TENM4: variants seen among roughly 807,000 people sequenced by gnomAD.
The protein encoded by TENM4 is teneurin transmembrane protein 4, also known as teneurin-4.
In TENM4, 82 loss-of-function variants were observed where a neutral mutation model predicts 243.3. The observed-to-expected ratio is 0.34, with a 90% confidence interval of 0.28 to 0.40. The LOEUF is 0.40. TENM4 is among the 10% of genes least tolerant of loss of function. The probability of loss-of-function intolerance (pLI) is 1.00; values close to 1 mark genes in which losing one functional copy is unlikely to be tolerated. For synonymous variants in TENM4, 1,412 were observed against 1,456.3 expected (o/e 0.97, Z 0.69); for missense variants, 3,138 against 3,673.3 (o/e 0.85, Z 3.77).
At chr11:78,898,460 G>C (rs1398989645) in intron 7 of TENM4, among the ~76,000 whole-genome samples, 1 of 152,150 alleles carries the variant, frequency 6.6e-6, no homozygotes, top group Non-Finnish European at 1.5e-5. Context: ...CATTCTGGTG[G>C]GGACTGGCAA....
intron 3 of TENM4, among the ~76,000 whole-genome samples, chr11:79,189,101 C>A (rs1308560703): frequency 6.6e-6 from 1 of 152,146 alleles, no homozygotes; most frequent in Non-Finnish European, 1.5e-5. Context: ...ATTTAAAATA[C>A]TATTTTGTAT....
chr11:78,754,878 G>A (rs968129089), intron 19 of TENM4, among the ~76,000 whole-genome samples: 1 of 152,230 alleles, frequency 6.6e-6, no homozygotes, highest in African/African-American at 2.4e-5. Flanking sequence ...GAAAGGTGGA[G>A]GTTTGAATTC....
At chr11:78,863,196 A>G in intron 9 of TENM4, 64 bp from the exon 10 acceptor site, 1 of 1,428,252 alleles carries the variant, frequency 7.0e-7, no homozygotes, top group Non-Finnish European at 9.3e-7. Flanking sequence ...CTCCCAAGCC[A>G]TAAGGGAAAG....
At chr11:79,434,991 T>G (rs1411086643) in intron 1 of TENM4, among the ~76,000 whole-genome samples, 1 of 152,226 alleles carries the variant, frequency 6.6e-6, no homozygotes, top group Non-Finnish European at 1.5e-5. Flanking sequence ...TGGGGGTCTA[T>G]GTAGCATTAC....
intron 6 of TENM4, among the ~76,000 whole-genome samples, chr11:79,045,002 A>G (rs1018719117): frequency 2.0e-5 from 3 of 152,172 alleles, no homozygotes; most frequent in Non-Finnish European, 2.9e-5. Flanking sequence ...GGCATTTAGT[A>G]TACATCCAAT....
chr11:78,722,792 C>G lies in TENM4; in HGVS notation c.3676G>C (p.Gly1226Arg). The G allele has an allele frequency of 1.2e-6, 2 of 1,614,062 alleles. No homozygotes were observed. Among genetic ancestry groups the G allele is most frequent in the Admixed American group, 3.3e-5 (2 of 60,034 alleles). Residue 1226 changes from glycine (G) to arginine (R), a missense_variant, in exon 24 of 34, where the codon GGC becomes CGC. Physicochemically the swap from Gly to Arg is moderately radical, Grantham distance 125 (BLOSUM62 -2). Transcript: ENST00000278550. ...SCPSCNGLAD[G>R]NKLLAPVALT... Reference sequence around the variant, plus strand: ...GCCACTGGGGCCAGGAGCTTGTTGCCGTCAGCAAGGCCGTTGCAGCTGGGG... The same window carrying G: ...GCCACTGGGGCCAGGAGCTTGTTGCGGTCAGCAAGGCCGTTGCAGCTGGGG...
chr11:79,030,094 A>G (rs909547518), intron 6 of TENM4, among the ~76,000 whole-genome samples: 13 of 152,170 alleles, frequency 8.5e-5, no homozygotes, highest in African/African-American at 2.9e-4. Flanking sequence ...TCTACTTTTC[A>G]TTCGGCAATC....
Position 78,891,239 on chromosome 11 carries a change from C to A in TENM4, c.847G>T (p.Gly283Trp). Residue 283 changes from glycine (G) to tryptophan (W), a missense_variant and splice_region_variant, in exon 8 of 34, where the codon GGG becomes TGG. Physicochemically the swap from Gly to Trp is radical, Grantham distance 184 (BLOSUM62 -2). Transcript: ENST00000278550. ...ASRHDGAYSD[G>W]HFLFKPGGTS... ...GAGGAGAATGGGGATGTCACCTACC[C>A]GTCACTGTAAGCCCCATCATGGCGG... The A allele has an allele frequency of 6.4e-7, 1 of 1,551,584 alleles. No individual in the cohort carries two copies. Among genetic ancestry groups the A allele is most frequent in the Non-Finnish European group, 8.7e-7 (1 of 1,146,940 alleles).
intron 4 of TENM4, among the ~76,000 whole-genome samples, chr11:79,148,355 G>A (rs1335727342): frequency 2.0e-5 from 3 of 152,056 alleles, no homozygotes; most frequent in Non-Finnish European, 4.4e-5. Flanking sequence ...TCCTAAGTGT[G>A]GGGAGATACC....
intron 1 of TENM4, among the ~76,000 whole-genome samples, chr11:79,412,506 A>C (rs1195358395): frequency 6.6e-6 from 1 of 152,220 alleles, no homozygotes; most frequent in Non-Finnish European, 1.5e-5. Context: ...TCCCAGCTCC[A>C]ACTTACTACC....
At chr11:79,341,311 G>C (rs1247364674) in intron 1 of TENM4, among the ~76,000 whole-genome samples, 1 of 152,124 alleles carries the variant, frequency 6.6e-6, no homozygotes, top group Admixed American at 6.5e-5. Context: ...GCCTCCTCTG[G>C]GATCCCTTGC....
At chr11:78,955,286 G>A (rs924279756) in intron 6 of TENM4, among the ~76,000 whole-genome samples, 8 of 152,322 alleles carry the variant, frequency 5.3e-5, no homozygotes, top group African/African-American at 1.9e-4. Flanking sequence ...AGAGGAGAAC[G>A]AGCTTCGGGA....
chr11:79,200,258 T>C (rs1406156306), intron 3 of TENM4, among the ~76,000 whole-genome samples: 1 of 152,204 alleles, frequency 6.6e-6, no homozygotes, highest in Non-Finnish European at 1.5e-5. Context: ...AGTCTCAGAA[T>C]CCTTCAGAAG....
intron 2 of TENM4, among the ~76,000 whole-genome samples, chr11:79,247,997 T>C (rs186665475): frequency 8.5e-5 from 13 of 152,306 alleles, no homozygotes; most frequent in Non-Finnish European, 4.4e-5. Flanking sequence ...TCTACCCTGA[T>C]GGCTTGTCCT....
At chr11:79,310,123 C>T (rs1856694707) in intron 1 of TENM4, among the ~76,000 whole-genome samples, 1 of 152,182 alleles carries the variant, frequency 6.6e-6, no homozygotes, top group South Asian at 2.1e-4. Context: ...TCAGTCTACC[C>T]AGGGCCCAGC....
At chr11:79,383,620 T>G (rs1278400621) in intron 1 of TENM4, among the ~76,000 whole-genome samples, 1 of 152,162 alleles carries the variant, frequency 6.6e-6, no homozygotes, top group Non-Finnish European at 1.5e-5. Flanking sequence ...GTGCTGGAGA[T>G]GCAAGCTGTG....
intron 2 of TENM4, among the ~76,000 whole-genome samples, chr11:79,247,903 C>T (rs763834948): frequency 6.6e-6 from 1 of 152,142 alleles, no homozygotes; most frequent in Non-Finnish European, 1.5e-5. Flanking sequence ...AAGGAGAAAC[C>T]GGGGGAAACT....
At chr11:79,081,366 GCTT>G (rs1490287901) in intron 4 of TENM4, among the ~76,000 whole-genome samples, 1 of 152,190 alleles carries the variant, frequency 6.6e-6, no homozygotes, top group Non-Finnish European at 1.5e-5. Flanking sequence ...GTGCACAATA[GCTT>G]CTTGTCTTAT....
intron 9 of TENM4, among the ~76,000 whole-genome samples, chr11:78,864,433 C>CAAAAAAAAA (rs145489804): frequency 5.8e-4 from 21 of 36,216 alleles, no homozygotes; most frequent in African/African-American, 2.4e-3. Flanking sequence ...GACTCCGTCT[C>CAAAAAAAAA]AAAAAAAAAA....
Sources: gnomAD v4.1 joint callset for allele counts (sites outside exome capture counted in the v4.1 genomes callset) on GRCh38, gnomAD v4.1.1 for gene constraint, MANE v1.5 for transcripts, NCBI Gene and HGNC (gene_info 2026-07-23, HGNC 2026-07-21) for gene names.